The following GNB1 variants were observed in gnomAD, a reference collection of about 807,000 sequenced individuals.
The protein encoded by GNB1 is G protein subunit beta 1.
In GNB1, 2 loss-of-function variants were observed where a neutral mutation model predicts 42.9. The ratio of observed to expected loss-of-function variants is 0.05; its 90% CI spans 0.02 to 0.15. The LOEUF is 0.15. GNB1 is among the 10% of genes least tolerant of loss of function. GNB1 has a pLI of 1.00. For synonymous variants in GNB1, 183 were observed against 174.7 expected (o/e 1.05, Z -0.38); for missense variants, 193 against 462.2 (o/e 0.42, Z 5.34).
At chr1:1,874,044 G>T in intron 1 of GNB1, among the ~76,000 whole-genome samples, 1 of 152,210 alleles carries the variant, frequency 6.6e-6, no homozygotes, top group Non-Finnish European at 1.5e-5. Context: ...ATTGACTTCT[G>T]ATCTAGGTTA....
chr1:1,808,185 G>T (rs1401901964), intron 5 of GNB1, among the ~76,000 whole-genome samples: 1 of 151,908 alleles, frequency 6.6e-6, no homozygotes, highest in Non-Finnish European at 1.5e-5. Flanking sequence ...TGTATTTTTA[G>T]TAGAGACGGG....
chr1:1,860,118 T>C (rs1027481106), intron 1 of GNB1, among the ~76,000 whole-genome samples: 2 of 152,122 alleles, frequency 1.3e-5, no homozygotes, highest in Non-Finnish European at 2.9e-5. Context: ...TGAAAGCATG[T>C]CCTTTGCAGC....
Position 1,817,827 on chromosome 1 carries a change from G to T in GNB1, c.96+10C>A. 6 of 1,603,576 alleles carry T rather than the reference G, an allele frequency of 3.7e-6. No homozygotes were observed. The highest frequency in any genetic ancestry group is 5.1e-6 in the Non-Finnish European group (6 of 1,170,458). On this transcript the variant is annotated intron_variant, in intron 4 of 11. Transcript: ENST00000378609. ...GGCAGATGGCTCTGCGTGACTCAGT[G>T]GGCTCTTACCTGAGAGAGAGTTGCA...
intron 3 of GNB1, among the ~76,000 whole-genome samples, chr1:1,819,871 A>G (rs1001943486): frequency 4.6e-5 from 7 of 152,132 alleles, no homozygotes; most frequent in Admixed American, 2.6e-4. Context: ...AAATGTGTTT[A>G]TATGCTGTCA....
At chr1:1,886,311 C>CT (rs1650155399) in intron 1 of GNB1, among the ~76,000 whole-genome samples, 2 of 152,020 alleles carry the variant, frequency 1.3e-5, no homozygotes, top group South Asian at 4.1e-4. Context: ...GAGTGGGACT[C>CT]TGTCTCACAA....
In GNB1 at chr1:1,880,478, CTCGG is replaced by C. The variant is rs1649782411; in HGVS notation, c.-96+10338_-96+10341del. On this transcript the variant is annotated intron_variant, in intron 1 of 11. Transcript: ENST00000378609. ...TGGGGGGTGCCTGTAGTCCCAGCTA[CTCGG>C]AGAGGCCGAGGCAGAATTGCGTGAA... Among the ~76,000 whole-genome samples, 5 of 152,116 alleles carry C rather than the reference CTCGG, an allele frequency of 3.3e-5. No individual in the cohort carries two copies. The East Asian group carries it at 5.8e-4, about 18-fold the overall frequency.
chr1:1,850,404 A>G (rs536676066), intron 1 of GNB1, among the ~76,000 whole-genome samples: 23 of 151,920 alleles, frequency 1.5e-4, no homozygotes, highest in Non-Finnish European at 3.1e-4. Context: ...AAGTGCTGGG[A>G]TTACAAGGGT....
At position 1,810,667 on chromosome 1, in the gene GNB1, CTTT is replaced by C. The variant is rs376897222; in HGVS notation, c.204-4132_204-4130del. On this transcript the variant is annotated intron_variant, in intron 5 of 11. Coordinates refer to ENST00000378609, the MANE Select transcript of GNB1 (RefSeq NM_002074.5). ...CATTGTGGGCCTTGCATGTAGTTTTCTTTTTTGTTTGTTTTTTTGAGACAGAGT... is the reference window on the plus strand; with the variant it reads ...CATTGTGGGCCTTGCATGTAGTTTTCTTTGTTTGTTTTTTTGAGACAGAGT... Among the ~76,000 whole-genome samples the C allele has an allele frequency of 1.2e-3, 175 of 150,144 alleles. 1 individual carries two copies. The East Asian group carries it at 0.012, about 11-fold the overall frequency.
At chr1:1,877,961 C>T (rs1240891804) in intron 1 of GNB1, among the ~76,000 whole-genome samples, 1 of 152,144 alleles carries the variant, frequency 6.6e-6, no homozygotes, top group Non-Finnish European at 1.5e-5. Context: ...GAGGCAAATG[C>T]AGACACAGAA....
At chr1:1,810,772 A>T (rs1226648664) in intron 5 of GNB1, among the ~76,000 whole-genome samples, 2 of 150,894 alleles carry the variant, frequency 1.3e-5, no homozygotes, top group African/African-American at 4.9e-5. Context: ...GGTTCAAGCG[A>T]TTATCCTGCC....
At chr1:1,835,207 A>G (rs947108802) in intron 2 of GNB1, among the ~76,000 whole-genome samples, 1 of 152,188 alleles carries the variant, frequency 6.6e-6, no homozygotes, top group Non-Finnish European at 1.5e-5. Context: ...CTTAAGCAGG[A>G]CCAATGATGT....
chr1:1,889,952 C>T (rs989221827), intron 1 of GNB1, among the ~76,000 whole-genome samples: 1 of 151,284 alleles, frequency 6.6e-6, no homozygotes, highest in Admixed American at 6.6e-5. Context: ...TATTTCCTGT[C>T]CTCTCCCCCA....
rs775002088 is a variant in GNB1 at position 1,788,873 on chromosome 1, C to A, written c.916+180G>T. 22 of 579,946 alleles carry A rather than the reference C, an allele frequency of 3.8e-5. No homozygotes were observed. The Admixed American group carries it at 6.4e-4, about 17-fold the overall frequency. 35.9% of individuals were successfully genotyped at this position (579,946 alleles called of 1,614,324 possible). On this transcript the variant is annotated intron_variant, in intron 10 of 11. Transcript: ENST00000378609. ...TGTGGGAAGATCTGCTGGTACTCCT[C>A]GGAGTCCACTTGCCTGGAGGGTCAG... is the stretch of plus-strand genomic sequence containing the variant.
intron 2 of GNB1, among the ~76,000 whole-genome samples, chr1:1,835,308 G>C (rs1647130788): frequency 6.6e-6 from 1 of 152,150 alleles, no homozygotes; most frequent in African/African-American, 2.4e-5. Flanking sequence ...CTTCTCACCA[G>C]GTGGCCTCCA....
intron 2 of GNB1, among the ~76,000 whole-genome samples, chr1:1,828,683 C>T (rs754533126): frequency 4.6e-5 from 7 of 152,092 alleles, no homozygotes; most frequent in Non-Finnish European, 8.8e-5. Flanking sequence ...ATTATTATAG[C>T]ACTCTGCTGT....
At chr1:1,873,753 G>A (rs1649375436) in intron 1 of GNB1, among the ~76,000 whole-genome samples, 1 of 152,146 alleles carries the variant, frequency 6.6e-6, no homozygotes, top group Non-Finnish European at 1.5e-5. Flanking sequence ...CAGAGGCAGA[G>A]GTTACAGTGA....
chr1:1,866,404 A>G (rs1368245227), intron 1 of GNB1, among the ~76,000 whole-genome samples: 4 of 152,208 alleles, frequency 2.6e-5, no homozygotes, highest in Non-Finnish European at 5.9e-5. Flanking sequence ...AAAATGCCCA[A>G]CCATTTACTG....
At chr1:1,814,797 CAAAAAAAAA>C (rs66588627) in intron 5 of GNB1, among the ~76,000 whole-genome samples, 19,954 of 77,562 alleles carry the variant, frequency 0.26, 1,569 homozygotes, top group Middle Eastern at 0.51. Flanking sequence ...GACCCTGTCT[CAAAAAAAAA>C]AAAAAAAAAA....
At chr1:1,867,397 C>CA (rs1378334339) in intron 1 of GNB1, among the ~76,000 whole-genome samples, 1 of 152,232 alleles carries the variant, frequency 6.6e-6, no homozygotes, top group Non-Finnish European at 1.5e-5. Flanking sequence ...CAGGCACTGT[C>CA]AGAGGATATA....
Sources: gnomAD v4.1 joint callset for allele counts (sites outside exome capture counted in the v4.1 genomes callset) on GRCh38, gnomAD v4.1.1 for gene constraint, MANE v1.5 for transcripts, NCBI Gene and HGNC (gene_info 2026-07-23, HGNC 2026-07-21) for gene names.